The following MFSD1 variants were observed in gnomAD, a reference collection of about 807,000 sequenced individuals.
MFSD1 encodes major facilitator superfamily domain containing 1.
In MFSD1, 59 loss-of-function variants were observed where a neutral mutation model predicts 67.1. That is an observed-to-expected ratio of 0.88 (90% CI 0.71 to 1.09). The LOEUF is 1.09. Among genes scored for constraint, MFSD1 ranks in the 50% least tolerant of loss-of-function variants. The pLI, the probability that MFSD1 is intolerant of heterozygous loss-of-function variation, is 0.00. For missense variants in MFSD1, 552 were observed against 566.1 expected (o/e 0.97, Z 0.25); for synonymous variants, 213 against 200.3 (o/e 1.06, Z -0.54).
At chr3:158,810,898 C>T (rs573298527) in intron 6 of MFSD1, among the ~76,000 whole-genome samples, 37 of 152,198 alleles carry the variant, frequency 2.4e-4, no homozygotes, top group African/African-American at 8.0e-4. Context: ...GCCTTCATTA[C>T]GAGTCTTGTG....
intron 1 of MFSD1, among the ~76,000 whole-genome samples, chr3:158,803,470 G>C (rs1729562312): frequency 6.6e-6 from 1 of 151,724 alleles, no homozygotes; most frequent in South Asian, 2.1e-4. Flanking sequence ...CCACAACAAA[G>C]AAAGAACAAC....
At chr3:158,810,013 A>C (rs1179945464) in intron 6 of MFSD1, among the ~76,000 whole-genome samples, 1 of 152,158 alleles carries the variant, frequency 6.6e-6, no homozygotes, top group Non-Finnish European at 1.5e-5. Flanking sequence ...AGCGGGAACA[A>C]CATTATGGGT....
chr3:158,828,104 ATCT>A (rs1731106885), intron 15 of MFSD1, among the ~76,000 whole-genome samples: 2 of 152,086 alleles, frequency 1.3e-5, no homozygotes, highest in South Asian at 2.1e-4. Flanking sequence ...ATAATTTTTC[ATCT>A]TCTTCTGGTA....
intron 7 of MFSD1, among the ~76,000 whole-genome samples, chr3:158,817,622 G>A (rs1055867267): frequency 1.4e-4 from 22 of 152,108 alleles, no homozygotes; most frequent in East Asian, 5.8e-4. Context: ...ATGGAAGAAC[G>A]TTCCATGCTC....
In MFSD1 at chr3:158,813,399, G is replaced by A. The variant is rs190468486; in HGVS notation, c.550-566G>A. 9.2e-5 allele frequency among the ~76,000 whole-genome samples: 14 copies of A among 152,078 alleles called. No homozygotes were observed. In the East Asian group the frequency reaches 2.3e-3, roughly 25 times the overall value. On this transcript the variant is annotated intron_variant, in intron 6 of 15. Transcript: ENST00000415822. The stretch of plus-strand genomic sequence containing the variant: ...CTGACCTTGTGATCCACCCATCTCG[G>A]CCTCCCAATATGCTGGGATTACAGG...
chr3:158,821,803 T>G, intron 10 of MFSD1, 150 bp downstream of exon 10: 1 of 945,802 alleles, frequency 1.1e-6, no homozygotes, highest in Non-Finnish European at 1.6e-6. Flanking sequence ...CCTGAGTGGC[T>G]GTGTTTAAAT....
At chr3:158,805,780 C>T in intron 3 of MFSD1, among the ~76,000 whole-genome samples, 1 of 152,180 alleles carries the variant, frequency 6.6e-6, no homozygotes, top group Non-Finnish European at 1.5e-5. Flanking sequence ...TCTCATCTTC[C>T]TGGCTGTTCT....
chr3:158,812,326 G>A (rs1307973358), intron 6 of MFSD1, among the ~76,000 whole-genome samples: 2 of 152,156 alleles, frequency 1.3e-5, no homozygotes, highest in Admixed American at 6.5e-5. Flanking sequence ...TAATGGAATA[G>A]CTCTTGGCCA....
intron 1 of MFSD1, chr3:158,804,092 CTTTTTAA>C (rs1399806749): frequency 2.5e-6 from 1 of 400,742 alleles, no homozygotes; most frequent in Admixed American, 4.1e-5. Context: ...TGGTTGTTGA[CTTTTTAA>C]TTCAGGTTCC....
chr3:158,822,379 G>A (rs1730727311), intron 11 of MFSD1: 2 of 264,394 alleles, frequency 7.6e-6, no homozygotes, highest in African/African-American at 2.2e-5. Context: ...AGTGCTGAAA[G>A]AGAATTTGAA....
In MFSD1 at chr3:158,824,523, T is replaced by G. The variant is rs1730858188; in HGVS notation, c.1288+287T>G. The G allele has an allele frequency of 1.2e-5, 3 of 258,960 alleles. No individual in the cohort carries two copies. The East Asian group carries it at 2.5e-4, about 22-fold the overall frequency. The allele number at this position is 258,960 out of a possible 1,614,324, so 16.0% of individuals were successfully genotyped here. A position where few individuals can be genotyped will look rare whatever the true frequency, so the allele number is the denominator to read the frequency against. ...AACAATTTGAAGAGTCCTGAGTATATCCTTAATGTGACTATGTGGAAACGT... is the reference window on the plus strand; with the variant it reads ...AACAATTTGAAGAGTCCTGAGTATAGCCTTAATGTGACTATGTGGAAACGT... On this transcript the variant is annotated intron_variant, in intron 13 of 15. Transcript: ENST00000415822.
Position 158,807,062 on chromosome 3 carries a change from T to A in MFSD1, c.352T>A (p.Cys118Ser). The change falls in exon 4 of 16, where the codon TGC (cysteine) becomes AGC (serine). Residue 118 changes from cysteine (C) to serine (S), a missense_variant. By Grantham distance (112) the Cys-to-Ser change is moderately radical. Coordinates refer to ENST00000415822, the MANE Select transcript of MFSD1 (RefSeq NM_022736.4). ...GIRWGTIIFSCFVCIGQVVFA... is the reference protein window; with the variant it reads ...GIRWGTIIFSSFVCIGQVVFA... Reference sequence around the variant, plus strand: ...CAGATGGGGCACAATCATTTTTAGCTGCTTTGTTTGCATTGGACAGGTAAG... The same window carrying A: ...CAGATGGGGCACAATCATTTTTAGCAGCTTTGTTTGCATTGGACAGGTAAG... The A allele has an allele frequency of 6.2e-7, 1 of 1,612,418 alleles. No homozygotes were observed. The highest frequency in any genetic ancestry group is 8.5e-7 in the Non-Finnish European group (1 of 1,179,158).
At position 158,823,423 on chromosome 3, in the gene MFSD1, T is replaced by C. The variant is rs1445264446; in HGVS notation, c.1078-5T>C. ...CTGTGACCTTTTCTGCGTTGCTTTC[T>C]GTAGTGTCTTCTGGGACTCTCCTAC... is the stretch of plus-strand genomic sequence containing the variant. On this transcript the variant is annotated splice_polypyrimidine_tract_variant and splice_region_variant and intron_variant, in intron 11 of 15. Coordinates refer to ENST00000415822, the MANE Select transcript of MFSD1 (RefSeq NM_022736.4). 6.2e-7 allele frequency: 1 copy of C among 1,604,804 alleles called. No individual in the cohort carries two copies. Among genetic ancestry groups the C allele is most frequent in the South Asian group, 1.1e-5 (1 of 90,902 alleles).
At chr3:158,802,573 T>A (rs981868776) in intron 1 of MFSD1, 3 of 695,222 alleles carry the variant, frequency 4.3e-6, no homozygotes, top group Admixed American at 2.0e-5. Flanking sequence ...CTTCAGTAAG[T>A]CCCAGGGGCT....
intron 7 of MFSD1, among the ~76,000 whole-genome samples, chr3:158,816,006 G>A (rs1371357658): frequency 1.1e-4 from 16 of 151,978 alleles, no homozygotes; most frequent in African/African-American, 2.7e-4. Context: ...TGGCTGCATC[G>A]TATTCCATGG....
At chr3:158,821,447 G>A (rs1228125361) in intron 9 of MFSD1, 150 bp from the exon 10 acceptor site, 2 of 586,766 alleles carry the variant, frequency 3.4e-6, no homozygotes, top group Non-Finnish European at 3.0e-6. Flanking sequence ...TGAAGCTTTA[G>A]CAGATTGCCT....
At chr3:158,805,621 C>T in intron 3 of MFSD1, 147 bp downstream of exon 3, 3 of 694,730 alleles carry the variant, frequency 4.3e-6, no homozygotes, top group Non-Finnish European at 4.9e-6. Context: ...ATTTTTATAT[C>T]TCTGGAGTTG....
rs1273223789 is a variant in MFSD1 at position 158,829,001 on chromosome 3, T to G, written c.*19T>G. On this transcript the variant is annotated 3_prime_UTR_variant, in exon 16 of 16. Transcript: ENST00000415822. ...CAGATGAGAAGTTAAAATGAATGTG[T>G]CATGAGAATGGGCTTAACACATCGT... 1 of 1,605,184 alleles carries G rather than the reference T, an allele frequency of 6.2e-7. No individual in the cohort carries two copies. Among genetic ancestry groups the G allele is most frequent in the Non-Finnish European group, 8.5e-7 (1 of 1,175,868 alleles).
chr3:158,809,567 A>AT (rs1214775733), intron 6 of MFSD1, among the ~76,000 whole-genome samples: 1 of 152,078 alleles, frequency 6.6e-6, no homozygotes, highest in Non-Finnish European at 1.5e-5. Flanking sequence ...TTTCTTACCC[A>AT]TTTTTGGCAT....
Sources: allele counts gnomAD v4.1 joint callset (sites outside exome capture counted in the v4.1 genomes callset), GRCh38; gene constraint gnomAD v4.1.1; transcripts MANE v1.5; gene names NCBI Gene and HGNC (gene_info 2026-07-23, HGNC 2026-07-21).